Variants in NAT10 observed in about 807,000 individuals in gnomAD.
NAT10 encodes N-acetyltransferase 10.
In NAT10, 109 loss-of-function variants were observed where a neutral mutation model predicts 132.2. That is an observed-to-expected ratio of 0.82 (90% confidence interval 0.71 to 0.97). NAT10 has a LOEUF of 0.97. NAT10 is among the 50% of genes least tolerant of loss of function. The pLI, the probability that NAT10 is intolerant of heterozygous loss-of-function variation, is 0.00. For synonymous variants in NAT10, 479 were observed against 478.0 expected (o/e 1.00, Z -0.03); for missense variants, 1,184 against 1,263.4 (o/e 0.94, Z 0.95).
chr11:34,119,920 G>A (rs1851858615), intron 8 of NAT10, among the ~76,000 whole-genome samples: 1 of 152,188 alleles, frequency 6.6e-6, no homozygotes, highest in Non-Finnish European at 1.5e-5. Flanking sequence ...GTATTCAAAT[G>A]GGTGTTGTAC....
chr11:34,109,030 C>CCAAT (rs1400847072), intron 3 of NAT10, among the ~76,000 whole-genome samples, 197 bp downstream of exon 3: 1 of 152,190 alleles, frequency 6.6e-6, no homozygotes, highest in African/African-American at 2.4e-5. Flanking sequence ...AGTCACCAAT[C>CCAAT]CAATGCCTTG....
At chr11:34,116,443 G>A (rs933413229) in intron 6 of NAT10, among the ~76,000 whole-genome samples, 4 of 151,938 alleles carry the variant, frequency 2.6e-5, no homozygotes, top group Non-Finnish European at 5.9e-5. Flanking sequence ...TTTTGAGATG[G>A]AGTCTTGCTG....
In NAT10 at chr11:34,118,483, T is replaced by G; in HGVS notation, c.760T>G (p.Cys254Gly). The change falls in exon 8 of 29, where the codon TGC (cysteine) becomes GGC (glycine). Residue 254 changes from cysteine to glycine, a missense_variant. Physicochemically the swap from Cys to Gly is radical, Grantham distance 159 (BLOSUM62 -3). Transcript: ENST00000257829. ...CCAGCCTGTGGGTGTGTTGGTGGAC[T>G]GCTGTAAGACTCTAGACCAGGTGAG... The part of the protein sequence containing the change: ...DTQPVGVLVD[C>G]CKTLDQAKAV... The G allele has an allele frequency of 2.5e-6, 4 of 1,613,982 alleles. No individual in the cohort carries two copies. Among genetic ancestry groups the G allele is most frequent in the Non-Finnish European group, 3.4e-6 (4 of 1,179,910 alleles).
chr11:34,141,172 G>A lies in NAT10; in HGVS notation c.2676G>A (p.Met892Ile), dbSNP rs1287168419. The A allele has an allele frequency of 1.9e-6, 3 of 1,614,038 alleles. No homozygotes were observed. The highest frequency in any genetic ancestry group is 1.3e-5 in the African/African-American group (1 of 74,982). The change falls in exon 25 of 29, where the codon ATG becomes ATA. Residue 892 changes from methionine (M) to isoleucine (I), a missense_variant. By Grantham distance (10) the Met-to-Ile change is conservative. Transcript: ENST00000257829. ...TTGAGCTGCCCTCGGGCCAGTTGAT[G>A]GGACTTTTCAACCGGATCATCCGCA... ...KEIELPSGQL[M>I]GLFNRIIRKV...
At position 34,134,326 on chromosome 11, in the gene NAT10, T is replaced by G; in HGVS notation, c.1742T>G (p.Leu581Arg). ...GTCCTGCTTCCCCCACAGGTGTGCC[T>G]TGAAGGGGAGATTTCTCGCCAGTCC... The part of the protein sequence containing the change: ...PEVLAVIQVC[L>R]EGEISRQSIL... Residue 581 changes from leucine (L) to arginine (R), a missense_variant, in exon 17 of 29, where the codon CTT (leucine) becomes CGT (arginine). Coordinates refer to ENST00000257829, the MANE Select transcript of NAT10 (RefSeq NM_024662.3). 1 of 1,614,114 alleles carries G rather than the reference T, an allele frequency of 6.2e-7. No homozygotes were observed. Among genetic ancestry groups the G allele is most frequent in the Non-Finnish European group, 8.5e-7 (1 of 1,179,928 alleles).
Position 34,126,245 on chromosome 11 carries a change from C to T in NAT10, c.1108-1218C>T, listed in dbSNP as rs1237426754. Among the ~76,000 whole-genome samples, 3 of 152,160 alleles carry T rather than the reference C, an allele frequency of 2.0e-5. No individual in the cohort carries two copies. In the East Asian group the frequency reaches 5.8e-4, roughly 29 times the overall value. The stretch of plus-strand genomic sequence containing the variant: ...AAATACAGTTGAAGTCCCTCAACCC[C>T]TTTCCATCCTATTTCCTTCTGTCCC... On this transcript the variant is annotated intron_variant, in intron 11 of 28. Coordinates refer to ENST00000257829, the MANE Select transcript of NAT10 (RefSeq NM_024662.3).
Position 34,135,157 on chromosome 11 carries a change from C to T in NAT10, c.1912-18C>T, listed in dbSNP as rs548828939. The T allele has an allele frequency of 7.6e-5, 122 of 1,605,168 alleles. No homozygotes were observed. The South Asian group carries it at 1.3e-3, about 17-fold the overall frequency. On this transcript the variant is annotated intron_variant, in intron 18 of 28. Transcript: ENST00000257829. Reference sequence around the variant, plus strand: ...AGCTCTCTTCCCTCGGCCTCTTCCCCTTCACGTTTGCTCCTAGATGGGCTA... The same window carrying T: ...AGCTCTCTTCCCTCGGCCTCTTCCCTTTCACGTTTGCTCCTAGATGGGCTA...
At chr11:34,129,857 C>A (rs1427831526) in intron 12 of NAT10, among the ~76,000 whole-genome samples, 4 of 152,036 alleles carry the variant, frequency 2.6e-5, no homozygotes, top group African/African-American at 4.8e-5. Context: ...GATCTACCCG[C>A]CTCGGCCTCC....
chr11:34,112,923 TTG>T (rs1851720341), intron 4 of NAT10, among the ~76,000 whole-genome samples: 1 of 152,274 alleles, frequency 6.6e-6, no homozygotes, highest in African/African-American at 2.4e-5. Context: ...CCTCACATTT[TTG>T]TGTGTTTATC....
At chr11:34,139,580 C>A in intron 23 of NAT10, 85 bp downstream of exon 23, 1 of 1,258,452 alleles carries the variant, frequency 7.9e-7, no homozygotes, top group South Asian at 1.2e-5. Context: ...AGGGTTTGGG[C>A]TGGAAATTGA....
chr11:34,108,383 A>G (rs1267368428), intron 2 of NAT10, 50 bp downstream of exon 2: 1 of 1,466,568 alleles, frequency 6.8e-7, no homozygotes, highest in Admixed American at 1.7e-5. Flanking sequence ...TGTCCAAAGA[A>G]TCAGCATGTT....
At chr11:34,143,629 T>C (rs1211466513) in intron 28 of NAT10, 101 bp downstream of exon 28, 1 of 1,119,596 alleles carries the variant, frequency 8.9e-7, no homozygotes, top group Non-Finnish European at 1.3e-6. Flanking sequence ...GAGCAAAAGC[T>C]TTGACAGAAA....
At chr11:34,141,239 G>A (rs368889088) in intron 25 of NAT10, 31 bp downstream of exon 25, 10 of 1,613,206 alleles carry the variant, frequency 6.2e-6, no homozygotes, top group African/African-American at 5.3e-5. Context: ...GGGGCTTGAT[G>A]TCTCTCAAAT....
At chr11:34,114,105 T>C (rs1288356797) in intron 5 of NAT10, among the ~76,000 whole-genome samples, 1 of 152,188 alleles carries the variant, frequency 6.6e-6, no homozygotes, top group Non-Finnish European at 1.5e-5. Context: ...ATGATACAGC[T>C]TTTATGTAGT....
At chr11:34,108,173 C>G (rs576596433) in intron 1 of NAT10, 38 bp from the exon 2 acceptor site, 17 of 1,400,192 alleles carry the variant, frequency 1.2e-5, no homozygotes, top group Non-Finnish European at 1.5e-5. Flanking sequence ...CTTAGACAAT[C>G]TAGTGCGCAT....
In NAT10 at chr11:34,118,297, G is replaced by T; in HGVS notation, c.672+3G>T. On this transcript the variant is annotated splice_donor_region_variant and intron_variant, in intron 7 of 28. Coordinates refer to ENST00000257829, the MANE Select transcript of NAT10 (RefSeq NM_024662.3). ...AGGCCCTGCCTCCCCAGACTCCGGT[G>T]AGTCTGTGCTGGGGTCCAGGAATCT... is the stretch of plus-strand genomic sequence containing the variant. 6.2e-7 allele frequency: 1 copy of T among 1,613,740 alleles called. No homozygotes were observed. Among genetic ancestry groups the T allele is most frequent in the South Asian group, 1.1e-5 (1 of 91,078 alleles).
intron 3 of NAT10, among the ~76,000 whole-genome samples, chr11:34,110,670 A>G (rs1400264381): frequency 6.7e-5 from 9 of 134,622 alleles, no homozygotes; most frequent in Admixed American, 5.9e-4. Context: ...TAGCATGTTT[A>G]TCATAGGTAC....
At chr11:34,117,809 A>G (rs1266712955) in intron 6 of NAT10, among the ~76,000 whole-genome samples, 1 of 151,962 alleles carries the variant, frequency 6.6e-6, no homozygotes, top group Non-Finnish European at 1.5e-5. Context: ...ACTGGTGATC[A>G]TATGGGGGTT....
chr11:34,118,115 G>A (rs2134160534), intron 6 of NAT10, 65 bp from the exon 7 acceptor site: 3 of 1,343,682 alleles, frequency 2.2e-6, no homozygotes, highest in Non-Finnish European at 3.2e-6. Flanking sequence ...TTGAAGAAAA[G>A]TTATACTCTG....
Sources: allele counts gnomAD v4.1 joint callset (sites outside exome capture counted in the v4.1 genomes callset), GRCh38; gene constraint gnomAD v4.1.1; transcripts MANE v1.5; gene names NCBI Gene and HGNC (gene_info 2026-07-23, HGNC 2026-07-21).